Variants in ZFR2 observed in about 807,000 individuals in gnomAD.
ZFR2 encodes zinc finger RNA binding protein 2.
In ZFR2, 104 loss-of-function variants were observed where a neutral mutation model predicts 105.7. The observed-to-expected ratio is 0.98, with a 90% CI of 0.84 to 1.16. The LOEUF is 1.16. Among genes scored for constraint, ZFR2 ranks in the 50% most tolerant of loss-of-function variants. ZFR2 has a pLI of 0.00. For missense variants in ZFR2, 1,425 were observed against 1,355.5 expected, an observed-to-expected ratio of 1.05 and a Z score of -0.80; for synonymous variants, 634 against 597.7, an observed-to-expected ratio of 1.06 and a Z score of -0.89.
In ZFR2 at chr19:3,834,923, A is replaced by G; in HGVS notation, c.114T>C (p.Thr38=). Residue 38 remains threonine (T), a synonymous_variant, in exon 2 of 19, where the codon ACT becomes ACC. Transcript: ENST00000262961. This position sits in a 1 kb window ranked among gnomAD's most constrained non-coding sequence, Gnocchi z 5.3. ...TVGASYTAQP[T]PGMDPAVNPA... is the part of the protein sequence containing the mutation. Reference sequence around the variant, plus strand: ...GGTTCACGGCAGGGTCCATCCCAGGAGTGGGTTGTGCAGTATAGCTGGCCC... The same window carrying G: ...GGTTCACGGCAGGGTCCATCCCAGGGGTGGGTTGTGCAGTATAGCTGGCCC... 1 of 1,611,822 alleles carries G rather than the reference A, an allele frequency of 6.2e-7. No homozygotes were observed. Among genetic ancestry groups the G allele is most frequent in the African/African-American group, 1.3e-5 (1 of 75,020 alleles).
At chr19:3,861,269 G>A (rs1023024427) in intron 1 of ZFR2, among the ~76,000 whole-genome samples, 1 of 152,190 alleles carries the variant, frequency 6.6e-6, no homozygotes, top group Non-Finnish European at 1.5e-5. Context: ...ACCAAAAAAA[G>A]AAGTGTCATT....
rs761374512 is a variant in ZFR2, at chr19:3,827,478, T to A, written c.1028A>T (p.His343Leu). 7 of 1,547,764 alleles carry A rather than the reference T, an allele frequency of 4.5e-6. No individual in the cohort carries two copies. In the South Asian group the frequency reaches 8.3e-5, roughly 18 times the overall value. Reference sequence around the variant, plus strand: ...GGCCGGGCGGGGCCGTACCTTCTGGTGCTTGGATCCCCGGATGTGGGCCGC... The same window carrying A: ...GGCCGGGCGGGGCCGTACCTTCTGGAGCTTGGATCCCCGGATGTGGGCCGC... ...AYAAHIRGSK[H>L]QKVFKLHAKL... Residue 343 changes from histidine (H) to leucine (L), a missense_variant, in exon 6 of 19, where the codon CAC becomes CTC. Transcript: ENST00000262961.
intron 1 of ZFR2, among the ~76,000 whole-genome samples, chr19:3,842,328 A>G (rs1264769344): frequency 6.6e-6 from 1 of 152,096 alleles, no homozygotes; most frequent in Non-Finnish European, 1.5e-5. Flanking sequence ...TAACTCTACC[A>G]TAGCAACGAG....
chr19:3,831,965 G>T, intron 3 of ZFR2, 87 bp from the exon 4 acceptor site: 1 of 1,161,448 alleles, frequency 8.6e-7, no homozygotes, highest in Non-Finnish European at 1.2e-6. Flanking sequence ...CAACTGGCTG[G>T]AACACGCTAG....
At chr19:3,807,049 G>A (rs888249091) in intron 18 of ZFR2, 123 bp downstream of exon 18, 5 of 746,580 alleles carry the variant, frequency 6.7e-6, no homozygotes, top group African/African-American at 3.5e-5. Context: ...CCGCCCTCCT[G>A]TTCCTGTACA....
chr19:3,842,905 G>A (rs561202592), intron 1 of ZFR2, among the ~76,000 whole-genome samples: 8 of 152,110 alleles, frequency 5.3e-5, no homozygotes, highest in South Asian at 4.1e-4. Context: ...GATTACAGGT[G>A]TAAGCCACCG....
Position 3,834,695 on chromosome 19 carries a change from G to A in ZFR2, c.264+78C>T. 1 of 1,436,142 alleles carries A rather than the reference G, an allele frequency of 7.0e-7. No homozygotes were observed. Among genetic ancestry groups the A allele is most frequent in the South Asian group, 1.2e-5 (1 of 83,224 alleles). 89.0% of individuals were successfully genotyped at this position (1,436,142 alleles called of 1,614,324 possible). A position where few individuals can be genotyped will look rare whatever the true frequency, so the allele number is the denominator to read the frequency against. On this transcript the variant is annotated intron_variant, in intron 2 of 18. Transcript: ENST00000262961. The surrounding 1 kb of genome is among the most constrained non-coding windows in gnomAD (Gnocchi z 5.3). ...AAGAGGCCTGGGAGAAGGAGTAGCTGTGGGAAGCCCACCGCTCTCACCCAT... is the reference window on the plus strand; with the variant it reads ...AAGAGGCCTGGGAGAAGGAGTAGCTATGGGAAGCCCACCGCTCTCACCCAT...
chr19:3,856,240 C>T (rs2038300079), intron 1 of ZFR2, among the ~76,000 whole-genome samples: 1 of 152,146 alleles, frequency 6.6e-6, no homozygotes, highest in African/African-American at 2.4e-5. Context: ...TTTGGAGAAG[C>T]GTGCAGGCGC....
Position 3,851,104 on chromosome 19 carries a change from G to A in ZFR2, c.54-16121C>T, listed in dbSNP as rs116657233. 1.6e-3 allele frequency among the ~76,000 whole-genome samples: 245 copies of A among 152,166 alleles called. 1 individual carries two copies. Among genetic ancestry groups the A allele is most frequent in the African/African-American group, 5.7e-3 (237 of 41,512 alleles). On this transcript the variant is annotated intron_variant, in intron 1 of 18. Transcript: ENST00000262961. ...CATTTTGTTTAAGCCTCAGTCTGTG[G>A]TATTGTTAGGGAAGCCCCAGCCGAC...
intron 16 of ZFR2, among the ~76,000 whole-genome samples, chr19:3,809,421 C>T (rs946499410): frequency 5.9e-5 from 9 of 152,150 alleles, no homozygotes; most frequent in African/African-American, 1.7e-4. Flanking sequence ...GGGGAAGGAG[C>T]CACCCTATCC....
intron 17 of ZFR2, 55 bp from the exon 18 acceptor site, chr19:3,807,324 C>T (rs1164846184): frequency 1.1e-5 from 15 of 1,364,670 alleles, no homozygotes; most frequent in South Asian, 2.5e-5. Context: ...TCGTGAAAGA[C>T]GGTGACAGGG....
At position 3,821,233 on chromosome 19, in the gene ZFR2, G is replaced by A. The variant is rs527809638; in HGVS notation, c.1631+107C>T. 9.6e-5 allele frequency: 132 copies of A among 1,374,736 alleles called. 2 individuals are homozygous for A. In the South Asian group the frequency reaches 1.9e-3, roughly 20 times the overall value. 85.2% of individuals were successfully genotyped at this position (1,374,736 alleles called of 1,614,324 possible). ...GCACCCGTCTCCCCCCACTGCTCGA[G>A]AGCTCACACGGAGGAGCTCCGTAAT... is the stretch of plus-strand genomic sequence containing the variant. On this transcript the variant is annotated intron_variant, in intron 10 of 18. Coordinates refer to ENST00000262961, the MANE Select transcript of ZFR2 (RefSeq NM_015174.2).
rs574680298 is a variant in ZFR2 at position 3,857,572 on chromosome 19, T to C, written c.53+11393A>G. ...AGCCGGGCATGGTGGTGCATGCCTG[T>C]AGTCCCAGCTACTCAGGAGGCACTG... On this transcript the variant is annotated intron_variant, in intron 1 of 18. Transcript: ENST00000262961. 1.3e-4 allele frequency among the ~76,000 whole-genome samples: 19 copies of C among 149,686 alleles called. No homozygotes were observed. The South Asian group carries it at 4.0e-3, about 32-fold the overall frequency.
At chr19:3,830,379 C>T (rs147786777) in intron 5 of ZFR2, among the ~76,000 whole-genome samples, 47 of 152,220 alleles carry the variant, frequency 3.1e-4, no homozygotes, top group Non-Finnish European at 5.6e-4. Context: ...GAGGCTGTAG[C>T]GAGCTGTGAT....
At position 3,823,347 on chromosome 19, in the gene ZFR2, G is replaced by A. The variant is rs2037916077; in HGVS notation, c.1270C>T (p.Pro424Ser). Reference protein sequence around the residue: ...CRPQWGKPAQPKLEGPGAPTQ... With the variant: ...CRPQWGKPAQSKLEGPGAPTQ... Reference sequence around the variant, plus strand: ...GGTGCTCCGGGACCCTCTAATTTAGGTTGGGCTGGTTTCCCCCACTGGGGT... The same window carrying A: ...GGTGCTCCGGGACCCTCTAATTTAGATTGGGCTGGTTTCCCCCACTGGGGT... Residue 424 changes from proline to serine, a missense_variant, in exon 8 of 19, where the codon CCT (proline) becomes TCT (serine). Pro to Ser is a moderately conservative substitution (Grantham distance 74). Transcript: ENST00000262961. This position sits in a 1 kb window ranked among gnomAD's most constrained non-coding sequence, Gnocchi z 5.4. The A allele has an allele frequency of 1.2e-6, 2 of 1,613,888 alleles. No individual in the cohort carries two copies. Among genetic ancestry groups the A allele is most frequent in the Non-Finnish European group, 1.7e-6 (2 of 1,179,818 alleles).
At position 3,813,380 on chromosome 19, in the gene ZFR2, C is replaced by A. The variant is rs1007480233; in HGVS notation, c.2242+440G>T. ...CTGGCAGGTCTGGCTTTAAGACCCC[C>A]GATTCCCTACATTCCTAATCAGTGG... is the stretch of plus-strand genomic sequence containing the variant. On this transcript the variant is annotated intron_variant, in intron 14 of 18. Coordinates refer to ENST00000262961, the MANE Select transcript of ZFR2 (RefSeq NM_015174.2). This position sits in a 1 kb window ranked among gnomAD's most constrained non-coding sequence, Gnocchi z 4.4. Among the ~76,000 whole-genome samples the A allele has an allele frequency of 6.6e-6, 1 of 152,120 alleles. No individual in the cohort carries two copies. Among genetic ancestry groups the A allele is most frequent in the Non-Finnish European group, 1.5e-5 (1 of 68,020 alleles).
chr19:3,839,874 G>A (rs765917508), intron 1 of ZFR2, among the ~76,000 whole-genome samples: 1 of 152,056 alleles, frequency 6.6e-6, no homozygotes, highest in East Asian at 1.9e-4. Context: ...TTTCAGAGAC[G>A]GGGCTCGCTT....
chr19:3,825,528 AC>A lies in ZFR2; in HGVS notation c.1036-122del, dbSNP rs573845354. 3.6e-5 allele frequency: 46 copies of A among 1,282,266 alleles called. 1 individual carries two copies. In the Admixed American group the frequency reaches 1.1e-3, roughly 30 times the overall value. 79.4% of individuals were successfully genotyped at this position (1,282,266 alleles called of 1,614,324 possible). ...GAGTGTGGGCTGGCCGGTCCCAGGGACCCCCCTCTCTTCTCTCCTCCTGCTC... is the reference window on the plus strand; with the variant it reads ...GAGTGTGGGCTGGCCGGTCCCAGGGACCCCCTCTCTTCTCTCCTCCTGCTC... On this transcript the variant is annotated intron_variant, in intron 6 of 18. Coordinates refer to ENST00000262961, the MANE Select transcript of ZFR2 (RefSeq NM_015174.2).
intron 5 of ZFR2, among the ~76,000 whole-genome samples, chr19:3,830,056 A>G (rs558878573): frequency 4.0e-5 from 6 of 151,826 alleles, no homozygotes; most frequent in Non-Finnish European, 8.8e-5. Context: ...TCCTGGCACT[A>G]TGGGAGGCTG....
Sources: gnomAD v4.1 joint callset for allele counts (sites outside exome capture counted in the v4.1 genomes callset) on GRCh38, gnomAD v4.1.1 for gene constraint, Gnocchi (gnomAD v3.1) non-coding constraint, MANE v1.5 for transcripts, NCBI Gene and HGNC (gene_info 2026-07-23, HGNC 2026-07-21) for gene names.